Variants in DTWD2 observed in about 807,000 individuals in gnomAD.
DTWD2 encodes the protein tRNA-uridine aminocarboxypropyltransferase 2.
DTWD2 carries 39 observed loss-of-function variants against 31.8 expected under a neutral mutation model. The ratio of observed to expected loss-of-function variants is 1.22; its 90% CI spans 0.95 to 1.60. DTWD2 has a LOEUF of 1.60. Ranked by LOEUF, DTWD2 falls within the 40% of genes most tolerant of loss-of-function variation. The pLI is 0.00. For synonymous variants in DTWD2, 180 were observed against 142.8 expected, an observed-to-expected ratio of 1.26 and a Z score of -1.86; for missense variants, 515 against 381.5, an observed-to-expected ratio of 1.35 and a Z score of -2.92.
chr5:118,983,879 G>A (rs1580456955), intron 1 of DTWD2, among the ~76,000 whole-genome samples: 1 of 152,240 alleles, frequency 6.6e-6, no homozygotes, highest in African/African-American at 2.4e-5. Context: ...GCTGGGCGCG[G>A]TGGCTCTCAC....
chr5:118,894,464 A>G (rs557856478), intron 4 of DTWD2, among the ~76,000 whole-genome samples: 96 of 152,328 alleles, frequency 6.3e-4, no homozygotes, highest in African/African-American at 1.9e-3. Context: ...ACAAAGCTAC[A>G]ATAATCATAG....
At chr5:118,849,433 G>C (rs945559844) in intron 4 of DTWD2, among the ~76,000 whole-genome samples, 1 of 152,188 alleles carries the variant, frequency 6.6e-6, no homozygotes, top group East Asian at 1.9e-4. Flanking sequence ...TGGTGGGACT[G>C]TAAACTAGTT....
intron 4 of DTWD2, among the ~76,000 whole-genome samples, chr5:118,921,128 T>A (rs1259395593): frequency 2.0e-5 from 3 of 152,218 alleles, no homozygotes; most frequent in Non-Finnish European, 4.4e-5. Flanking sequence ...TTGTAAATAC[T>A]ATCTACAACC....
chr5:118,898,395 C>A (rs145489541), intron 4 of DTWD2, among the ~76,000 whole-genome samples: 5 of 151,840 alleles, frequency 3.3e-5, no homozygotes, highest in African/African-American at 1.2e-4. Context: ...CAGTGGCTCA[C>A]GCCTGTAATC....
Position 118,928,612 on chromosome 5 carries a change from G to A in DTWD2, c.522C>T (p.Ile174=). 1 of 1,598,012 alleles carries A rather than the reference G, an allele frequency of 6.3e-7. No homozygotes were observed. Among genetic ancestry groups the A allele is most frequent in the African/African-American group, 1.3e-5 (1 of 74,710 alleles). Residue 174 remains isoleucine, a synonymous_variant, in exon 4 of 6, where the codon ATC becomes ATT. Transcript: ENST00000510708. The part of the protein sequence containing the change: ...ILDSPVYPST[I]IIIDGTWSQA... ...GGCTCCATGTACCATCAATGATGAT[G>A]ATTGTAGAAGGATAAACAGGAGAAT...
intron 1 of DTWD2, among the ~76,000 whole-genome samples, chr5:118,987,762 G>T (rs1035788329): frequency 6.6e-6 from 1 of 152,186 alleles, no homozygotes; most frequent in African/African-American, 2.4e-5. Flanking sequence ...TAGACACACT[G>T]GGATATAGAT....
intron 5 of DTWD2, among the ~76,000 whole-genome samples, chr5:118,846,746 T>C (rs542870579): frequency 2.3e-4 from 35 of 152,244 alleles, no homozygotes; most frequent in African/African-American, 7.2e-4. Flanking sequence ...TAAAGTACTA[T>C]GTTTATGGCT....
At chr5:118,938,826 A>G (rs1251940000) in intron 3 of DTWD2, among the ~76,000 whole-genome samples, 4 of 148,116 alleles carry the variant, frequency 2.7e-5, no homozygotes, top group Admixed American at 2.0e-4. Context: ...AAAAAAAAAA[A>G]GTTGTGGAAG....
intron 4 of DTWD2, among the ~76,000 whole-genome samples, chr5:118,871,385 G>C (rs1165022918): frequency 1.3e-5 from 2 of 152,118 alleles, no homozygotes; most frequent in Non-Finnish European, 2.9e-5. Context: ...ATCCTTTCTA[G>C]CAGGTTTTGA....
At chr5:118,942,659 G>A (rs1387426433) in intron 2 of DTWD2, among the ~76,000 whole-genome samples, 1 of 151,826 alleles carries the variant, frequency 6.6e-6, no homozygotes, top group African/African-American at 2.4e-5. Flanking sequence ...AAAATAGAAA[G>A]AAAACATTAA....
rs1751610014 is a variant in DTWD2, at chr5:118,837,962, G to C, written c.*2955C>G. 1 of 152,074 alleles carries C rather than the reference G, an allele frequency of 6.6e-6. No homozygotes were observed. Among genetic ancestry groups the C allele is most frequent in the African/African-American group, 2.4e-5 (1 of 41,406 alleles). The allele number at this position is 152,074 out of a possible 1,614,324, so 9.4% of individuals were successfully genotyped here. On this transcript the variant is annotated 3_prime_UTR_variant, in exon 6 of 6. Coordinates refer to ENST00000510708, the MANE Select transcript of DTWD2 (RefSeq NM_173666.4). ...AAATCACTAACTGGTGGTATAGTGA[G>C]GAGCTTATTTCTTCCAAAATATATG...
At chr5:118,863,931 A>G (rs1313684433) in intron 4 of DTWD2, among the ~76,000 whole-genome samples, 3 of 151,718 alleles carry the variant, frequency 2.0e-5, no homozygotes, top group Non-Finnish European at 4.4e-5. Flanking sequence ...CAAGGATCTT[A>G]CCCTTACACA....
intron 4 of DTWD2, among the ~76,000 whole-genome samples, chr5:118,912,420 C>T (rs1162693621): frequency 6.6e-6 from 1 of 152,224 alleles, no homozygotes; most frequent in Non-Finnish European, 1.5e-5. Flanking sequence ...GGCCACAAGG[C>T]CCTGCATTTG....
At chr5:118,858,882 T>C (rs572375218) in intron 4 of DTWD2, among the ~76,000 whole-genome samples, 24 of 152,306 alleles carry the variant, frequency 1.6e-4, no homozygotes, top group African/African-American at 5.3e-4. Context: ...TGCAGTTAGC[T>C]GTTAGGTTTC....
At chr5:118,974,209 T>C (rs1755072446) in intron 1 of DTWD2, 1 of 1,306,532 alleles carries the variant, frequency 7.7e-7, no homozygotes, top group Non-Finnish European at 1.1e-6. Flanking sequence ...AATCTAAACG[T>C]GGTCACCTTC....
chr5:118,932,808 A>G (rs887971737), intron 3 of DTWD2, among the ~76,000 whole-genome samples: 1 of 152,200 alleles, frequency 6.6e-6, no homozygotes, highest in African/African-American at 2.4e-5. Flanking sequence ...TCTAAACTCA[A>G]GAACTGTGGA....
At chr5:118,868,558 C>T (rs1057237178) in intron 4 of DTWD2, among the ~76,000 whole-genome samples, 2 of 152,054 alleles carry the variant, frequency 1.3e-5, no homozygotes, top group Non-Finnish European at 2.9e-5. Context: ...TCCTACAACT[C>T]AACAACAAAC....
intron 1 of DTWD2, among the ~76,000 whole-genome samples, chr5:118,947,937 T>C (rs1452296238): frequency 1.3e-5 from 2 of 152,144 alleles, no homozygotes; most frequent in Non-Finnish European, 2.9e-5. Context: ...GTTCTAAAAA[T>C]CCCCAAAATG....
Position 118,988,454 on chromosome 5 carries a change from C to T in DTWD2, c.58G>A (p.Ala20Thr), listed in dbSNP as rs1243913584. ...LQEPVARPSGASSSQTPNDKE... is the reference protein window; with the variant it reads ...LQEPVARPSGTSSSQTPNDKE... Reference sequence around the variant, plus strand: ...TCGTTCGGCGTCTGAGAGCTTGAGGCCCCAGAAGGCCGCGCAACGGGCTCC... The same window carrying T: ...TCGTTCGGCGTCTGAGAGCTTGAGGTCCCAGAAGGCCGCGCAACGGGCTCC... Residue 20 changes from alanine to threonine, a missense_variant, in exon 1 of 6, where the codon GCC becomes ACC. Ala to Thr is a moderately conservative substitution (Grantham distance 58, BLOSUM62 0). Transcript: ENST00000510708. 2 of 1,606,086 alleles carry T rather than the reference C, an allele frequency of 1.2e-6. No homozygotes were observed. Among genetic ancestry groups the T allele is most frequent in the East Asian group, 2.3e-5 (1 of 44,172 alleles).
Sources: allele counts gnomAD v4.1 joint callset (sites outside exome capture counted in the v4.1 genomes callset), GRCh38; gene constraint gnomAD v4.1.1; transcripts MANE v1.5; gene names NCBI Gene and HGNC (gene_info 2026-07-23, HGNC 2026-07-21).